Variants in IL5RA observed in about 807,000 individuals in gnomAD.
The protein encoded by IL5RA is interleukin-5 receptor subunit alpha.
IL5RA carries 49 observed loss-of-function variants against 50.0 expected under a neutral mutation model. The ratio of observed to expected loss-of-function variants is 0.98; its 90% CI spans 0.78 to 1.24. The LOEUF is 1.24. IL5RA is among the 50% of genes most tolerant of loss of function. The probability of loss-of-function intolerance (pLI) is 0.00; values close to 1 mark genes in which losing one functional copy is unlikely to be tolerated. For missense variants in IL5RA, 600 were observed against 500.4 expected (o/e 1.20, Z -1.90); for synonymous variants, 202 against 174.0 (o/e 1.16, Z -1.26).
intron 9 of IL5RA, among the ~76,000 whole-genome samples, chr3:3,078,794 A>C (rs1702569309): frequency 6.6e-6 from 1 of 151,028 alleles, no homozygotes; most frequent in South Asian, 2.1e-4. Flanking sequence ...AGATCCCGCC[A>C]CTGCACTCCA....
rs1327705244 is a variant in IL5RA at position 3,095,345 on chromosome 3, A to C, written c.809T>G (p.Phe270Cys). Residue 270 changes from phenylalanine to cysteine, a missense_variant, in exon 8 of 12, where the codon TTT becomes TGT. Transcript: ENST00000446632. ...KPVSAFPIHC[F>C]DYEVKIHNTR... ...ATTGTGTATTTTTACTTCATAATCA[A>C]AGCAATGGATTGGAAAAGCAGACAC... 1 of 1,609,086 alleles carries C rather than the reference A, an allele frequency of 6.2e-7. No individual in the cohort carries two copies. Among genetic ancestry groups the C allele is most frequent in the Non-Finnish European group, 8.5e-7 (1 of 1,175,744 alleles).
intron 9 of IL5RA, among the ~76,000 whole-genome samples, chr3:3,087,957 G>A (rs1702938205): frequency 1.3e-5 from 2 of 152,094 alleles, no homozygotes; most frequent in South Asian, 4.1e-4. Context: ...CTGAGCAGAG[G>A]AGTAAATTCC....
chr3:3,069,594 T>A lies in IL5RA; in HGVS notation c.*631A>T, dbSNP rs1702228442. 6.6e-6 allele frequency: 1 copy of A among 151,936 alleles called. No homozygotes were observed. The highest frequency in any genetic ancestry group is 2.4e-5 in the African/African-American group (1 of 41,224). The allele number at this position is 151,936 out of a possible 1,614,324, so 9.4% of individuals were successfully genotyped here. A position where few individuals can be genotyped will look rare whatever the true frequency, so the allele number is the denominator to read the frequency against. ...TTTTAAATTAGTTGGTTTCAAATGA[T>A]GTATCCTGGATCAGGCCTCTGGAGC... On this transcript the variant is annotated 3_prime_UTR_variant, in exon 12 of 12. Coordinates refer to ENST00000446632, the MANE Select transcript of IL5RA (RefSeq NM_175726.4).
At chr3:3,084,880 C>T (rs1702794175) in intron 9 of IL5RA, among the ~76,000 whole-genome samples, 1 of 152,262 alleles carries the variant, frequency 6.6e-6, no homozygotes, top group Non-Finnish European at 1.5e-5. Flanking sequence ...GGGCTGGCCC[C>T]CTGACAGCAT....
At chr3:3,094,853 G>A (rs551301983) in intron 8 of IL5RA, among the ~76,000 whole-genome samples, 30 of 152,116 alleles carry the variant, frequency 2.0e-4, no homozygotes, top group African/African-American at 6.3e-4. Flanking sequence ...CCCTGCCCCC[G>A]AGTAGCTGGG....
chr3:3,090,512 A>G (rs1574992228), intron 9 of IL5RA, among the ~76,000 whole-genome samples: 2 of 149,556 alleles, frequency 1.3e-5, no homozygotes, highest in African/African-American at 4.9e-5. Flanking sequence ...TGCCGGAAAC[A>G]CCTGGATAAT....
At chr3:3,077,221 A>C (rs140305759) in intron 9 of IL5RA, among the ~76,000 whole-genome samples, 2 of 152,352 alleles carry the variant, frequency 1.3e-5, no homozygotes, top group African/African-American at 4.8e-5. Flanking sequence ...CAGTACAGAA[A>C]GTCAGTATTT....
At chr3:3,101,072 G>A (rs750595676) in intron 5 of IL5RA, among the ~76,000 whole-genome samples, 4 of 151,296 alleles carry the variant, frequency 2.6e-5, no homozygotes, top group Admixed American at 6.6e-5. Context: ...CCAGCTACTC[G>A]GGAGGCTGTG....
At position 3,074,841 on chromosome 3, in the gene IL5RA, G is replaced by T. The variant is rs904451337; in HGVS notation, c.1117C>A (p.Pro373Thr). ...KICHLWIKLF[P>T]PIPAPKSNIK... ...TTACTTTTTGGTGCTGGAATTGGTG[G>T]AAACAACTTGATCCATAAATGACAT... Residue 373 changes from proline (P) to threonine (T), a missense_variant, in exon 11 of 12, where the codon CCA becomes ACA. Transcript: ENST00000446632. 7.5e-6 allele frequency: 12 copies of T among 1,608,464 alleles called. No individual in the cohort carries two copies. The Admixed American group carries it at 2.0e-4, about 27-fold the overall frequency.
chr3:3,098,177 T>G lies in IL5RA; in HGVS notation c.481A>C (p.Thr161Pro), dbSNP rs1559875557. 1 of 1,614,166 alleles carries G rather than the reference T, an allele frequency of 6.2e-7. No homozygotes were observed. The highest frequency in any genetic ancestry group is 8.5e-7 in the Non-Finnish European group (1 of 1,180,026). ...VSLHCTWLVG[T>P]DAPEDTQYFL... is the part of the protein sequence containing the mutation. ...TACTGCGTGTCCTCAGGGGCATCTG[T>G]GCCAACAAGCCAGGTGCAGTGAAGG... The change falls in exon 6 of 12, where the codon ACA becomes CCA. Residue 161 changes from threonine to proline, a missense_variant. Physicochemically the swap from Thr to Pro is conservative, Grantham distance 38. Transcript: ENST00000446632.
chr3:3,099,189 C>G (rs1180438182), intron 5 of IL5RA, among the ~76,000 whole-genome samples: 1 of 152,192 alleles, frequency 6.6e-6, no homozygotes, highest in Non-Finnish European at 1.5e-5. Context: ...CTTTAATATA[C>G]TAGGACTTGA....
intron 9 of IL5RA, among the ~76,000 whole-genome samples, chr3:3,084,987 T>G (rs1338557689): frequency 6.6e-6 from 1 of 152,220 alleles, no homozygotes; most frequent in Non-Finnish European, 1.5e-5. Flanking sequence ...CTGAAAGCAC[T>G]GTGGGAACTC....
At chr3:3,096,289 A>AGAAGAAG (rs1553752103) in intron 7 of IL5RA, among the ~76,000 whole-genome samples, 18 of 141,340 alleles carry the variant, frequency 1.3e-4, no homozygotes, top group African/African-American at 4.8e-4. Context: ...AAAAAAAAAA[A>AGAAGAAG]AAGAAGAAGA....
intron 10 of IL5RA, among the ~76,000 whole-genome samples, chr3:3,075,185 ACT>A (rs900227092): frequency 8.0e-6 from 1 of 124,504 alleles, no homozygotes; most frequent in Admixed American, 8.2e-5. Flanking sequence ...AATTATGTTT[ACT>A]CACAGAGTTT....
intron 11 of IL5RA, among the ~76,000 whole-genome samples, chr3:3,073,249 C>T (rs955512042): frequency 2.0e-5 from 3 of 152,150 alleles, no homozygotes; most frequent in East Asian, 1.9e-4. Context: ...TTTCCACGAA[C>T]GCTTTCTTTT....
intron 9 of IL5RA, chr3:3,091,758 A>G (rs192784467): frequency 3.4e-3 from 535 of 157,434 alleles, no homozygotes; most frequent in Non-Finnish European, 5.0e-3. Context: ...CAAACAAACA[A>G]ATGAGGACAT....
rs564865287 is a variant in IL5RA at position 3,068,602 on chromosome 3, AAAAAAAC to A, written c.*1616_*1622del. On this transcript the variant is annotated 3_prime_UTR_variant, in exon 12 of 12. Transcript: ENST00000446632. ...ACCCACCCCACAAAAAAAAAAAAAAAAAAAAACAAAAACAGGTTTGAGATTATGAATC... is the reference window on the plus strand; with the variant it reads ...ACCCACCCCACAAAAAAAAAAAAAAAAAAAACAGGTTTGAGATTATGAATC... 20,317 of 93,298 alleles carry A rather than the reference AAAAAAAC, an allele frequency of 0.22. 1,907 individuals carry two copies. Among genetic ancestry groups the A allele is most frequent in the Non-Finnish European group, 0.29 (13,436 of 46,646 alleles). 5.8% of individuals were successfully genotyped at this position (93,298 alleles called of 1,614,324 possible).
In IL5RA at chr3:3,069,217, C is replaced by G. The variant is rs1327384367; in HGVS notation, c.*1008G>C. ...CTTGGTTCCACCTGCAGTCCACCAC[C>G]CACCACAAAGGCCTCCAATCTGGAT... On this transcript the variant is annotated 3_prime_UTR_variant, in exon 12 of 12. Coordinates refer to ENST00000446632, the MANE Select transcript of IL5RA (RefSeq NM_175726.4). 1 of 152,314 alleles carries G rather than the reference C, an allele frequency of 6.6e-6. No homozygotes were observed. Among genetic ancestry groups the G allele is most frequent in the African/African-American group, 2.4e-5 (1 of 41,448 alleles). The allele number at this position is 152,314 out of a possible 1,614,324, so 9.4% of individuals were successfully genotyped here. A position where few individuals can be genotyped will look rare whatever the true frequency, so the allele number is the denominator to read the frequency against.
chr3:3,101,910 C>G (rs957225204), intron 4 of IL5RA, 80 bp from the exon 5 acceptor site: 13 of 1,283,884 alleles, frequency 1.0e-5, no homozygotes, highest in African/African-American at 1.5e-5. Context: ...TATGCATTTT[C>G]TTCTACTTTT....
Sources: allele counts gnomAD v4.1 joint callset (sites outside exome capture counted in the v4.1 genomes callset), GRCh38; gene constraint gnomAD v4.1.1; transcripts MANE v1.5; gene names NCBI Gene and HGNC (gene_info 2026-07-23, HGNC 2026-07-21).